ITGAL: variants seen among roughly 807,000 people sequenced by gnomAD.
The protein encoded by ITGAL is integrin subunit alpha L.
A neutral mutation model predicts 138.4 loss-of-function variants in ITGAL; 68 were observed. The observed-to-expected ratio is 0.49, with a 90% CI of 0.40 to 0.60. The LOEUF is 0.60. Ranked by LOEUF, ITGAL falls within the 20% of genes least tolerant of loss-of-function variation. The probability of loss-of-function intolerance (pLI) is 0.00; values close to 1 mark genes in which losing one functional copy is unlikely to be tolerated. For synonymous variants in ITGAL, 561 were observed against 584.3 expected (o/e 0.96, Z 0.57); for missense variants, 1,256 against 1,478.6 (o/e 0.85, Z 2.47).
At chr16:30,484,030 TG>T in intron 8 of ITGAL, 71 bp downstream of exon 8, 1 of 1,594,384 alleles carries the variant, frequency 6.3e-7, no homozygotes. Context: ...CCTTTCTCCC[TG>T]GGGCCAGACT....
chr16:30,517,041 G>A lies in ITGAL; in HGVS notation c.2931G>A (p.Gln977=), dbSNP rs368973537. 171 of 1,613,568 alleles carry A rather than the reference G, an allele frequency of 1.1e-4. 2 individuals carry two copies. The South Asian group carries it at 1.8e-3, about 17-fold the overall frequency. Residue 977 remains glutamine (Q), a synonymous_variant, in exon 26 of 31, where the codon CAG becomes CAA. Transcript: ENST00000356798. ...PTLEAVVGVP[Q]PPSEGPITHQ... is the part of the protein sequence containing the mutation. ...TGGAGGCTGTGGTTGGGGTGCCACA[G>A]CCTCCCAGCGAGGGGCCCATCACAC...
chr16:30,516,974 T>G lies in ITGAL; in HGVS notation c.2864T>G (p.Val955Gly). Reference sequence around the variant, plus strand: ...TGCATCCCTTGTCCTCTGTGCCAGGTGAGGATCCAGCCTTCCATCCACGAC... The same window carrying G: ...TGCATCCCTTGTCCTCTGTGCCAGGGGAGGATCCAGCCTTCCATCCACGAC... ...KIHQVKHMYQ[V>G]RIQPSIHDHN... is the part of the protein sequence containing the mutation. Residue 955 changes from valine to glycine, a missense_variant and splice_region_variant, in exon 26 of 31, where the codon GTG becomes GGG. By Grantham distance (109) the Val-to-Gly change is moderately radical (BLOSUM62 -3). Around this residue, in one of 3 missense-constraint regions of ITGAL, gnomAD observed 867 missense variants for 972.5 expected, o/e 0.89. Coordinates refer to ENST00000356798, the MANE Select transcript of ITGAL (RefSeq NM_002209.3). The G allele has an allele frequency of 6.2e-7, 1 of 1,609,806 alleles. No homozygotes were observed. The highest frequency in any genetic ancestry group is 8.5e-7 in the Non-Finnish European group (1 of 1,176,262).
Position 30,496,109 on chromosome 16 carries a change from G to GT in ITGAL, c.1516_1517insT (p.Glu506ValfsTer57). On this transcript the variant is annotated frameshift_variant, in exon 14 of 31. Coordinates refer to ENST00000356798, the MANE Select transcript of ITGAL (RefSeq NM_002209.3). LOFTEE classifies it high-confidence loss of function. ...TGCTACTTCCTAGTTGGGGTTTGAA[G>GT]AAGTCTCAGAGCTGCAGGGGGACCC... 6.2e-7 allele frequency: 1 copy of GT among 1,613,876 alleles called. No homozygotes were observed. The highest frequency in any genetic ancestry group is 1.3e-5 in the African/African-American group (1 of 75,036).
At chr16:30,491,312 A>G (rs1419064644) in intron 11 of ITGAL, among the ~76,000 whole-genome samples, 1 of 151,756 alleles carries the variant, frequency 6.6e-6, no homozygotes, top group East Asian at 1.9e-4. Flanking sequence ...GAGGTAGGAG[A>G]ATCTCTTGAA....
At position 30,489,292 on chromosome 16, in the gene ITGAL, G is replaced by C; in HGVS notation, c.1119G>C (p.Trp373Cys). The change falls in exon 11 of 31, where the codon TGG (tryptophan) becomes TGC (cysteine). Residue 373 changes from tryptophan (W) to cysteine (C), a missense_variant. Physicochemically the swap from Trp to Cys is radical, Grantham distance 215. Around this residue, in one of 3 missense-constraint regions of ITGAL, gnomAD observed 177 missense variants for 288.8 expected, o/e 0.61. Coordinates refer to ENST00000356798, the MANE Select transcript of ITGAL (RefSeq NM_002209.3). Reference sequence around the variant, plus strand: ...TGGGGGCAGTAGGAGCCAAGGACTGGGCTGGGGGCTTTCTTGACCTGAAGG... The same window carrying C: ...TGGGGGCAGTAGGAGCCAAGGACTGCGCTGGGGGCTTTCTTGACCTGAAGG... ...AVVGAVGAKD[W>C]AGGFLDLKAD... The C allele has an allele frequency of 6.2e-7, 1 of 1,613,836 alleles. No individual in the cohort carries two copies. The highest frequency in any genetic ancestry group is 8.5e-7 in the Non-Finnish European group (1 of 1,179,736).
At chr16:30,505,875 AAAAATAAAAAGCAAAT>A (rs1265346850) in intron 20 of ITGAL, among the ~76,000 whole-genome samples, 1 of 152,200 alleles carries the variant, frequency 6.6e-6, no homozygotes, top group Non-Finnish European at 1.5e-5. Context: ...TCTATCTCTA[AAAAATAAAAAGCAAAT>A]AAAATAAAAA....
chr16:30,496,578 C>G lies in ITGAL; in HGVS notation c.1832+12C>G, dbSNP rs1166538440. 3 of 1,608,066 alleles carry G rather than the reference C, an allele frequency of 1.9e-6. No individual in the cohort carries two copies. Reference sequence around the variant, plus strand: ...ATGATCGTGCTGAGGTGAGATGGGTCTCCCAGGTCACACCTGATGACCCCA... The same window carrying G: ...ATGATCGTGCTGAGGTGAGATGGGTGTCCCAGGTCACACCTGATGACCCCA... On this transcript the variant is annotated intron_variant, in intron 15 of 30. Transcript: ENST00000356798.
intron 30 of ITGAL, among the ~76,000 whole-genome samples, chr16:30,521,045 T>C (rs1337584952): frequency 1.3e-5 from 2 of 150,484 alleles, no homozygotes; most frequent in African/African-American, 2.4e-5. Flanking sequence ...GATGGTGCCA[T>C]TGCACTCCAG....
rs2050775374 is a variant in ITGAL, at chr16:30,494,694, C to T, written c.1366-19C>T. The T allele has an allele frequency of 6.3e-7, 1 of 1,591,100 alleles. No homozygotes were observed. The highest frequency in any genetic ancestry group is 1.3e-5 in the African/African-American group (1 of 74,426). The stretch of plus-strand genomic sequence containing the variant: ...CTGTTCCCACAGGCGCTTCCCCAAA[C>T]ACCTGCCTCTCCCCACAGATTGGCT... On this transcript the variant is annotated intron_variant, in intron 12 of 30. Coordinates refer to ENST00000356798, the MANE Select transcript of ITGAL (RefSeq NM_002209.3). This position sits in a 1 kb window ranked among gnomAD's most constrained non-coding sequence, Gnocchi z 4.2.
At position 30,473,984 on chromosome 16, in the gene ITGAL, G is replaced by C. The variant is rs763986764; in HGVS notation, c.62-212G>C. ...TTGCAGAGAGGCCAAACGGGAAGTT[G>C]TATCCTCAGGCCCTGGGAAGAGCTT... On this transcript the variant is annotated intron_variant, in intron 1 of 30. Coordinates refer to ENST00000356798, the MANE Select transcript of ITGAL (RefSeq NM_002209.3). 1.1e-4 allele frequency: 73 copies of C among 685,950 alleles called. No individual in the cohort carries two copies. The East Asian group carries it at 1.9e-3, about 18-fold the overall frequency. The allele number at this position is 685,950 out of a possible 1,614,324, so 42.5% of individuals were successfully genotyped here. A position where few individuals can be genotyped will look rare whatever the true frequency, so the allele number is the denominator to read the frequency against.
At chr16:30,515,027 G>T (rs183991393) in intron 25 of ITGAL, among the ~76,000 whole-genome samples, 1 of 151,924 alleles carries the variant, frequency 6.6e-6, no homozygotes, top group Non-Finnish European at 1.5e-5. Context: ...GTTTCATCAT[G>T]TTGGCCAGGC....
chr16:30,517,555 C>CCCAGGG (rs2051186033), intron 26 of ITGAL, 94 bp from the exon 27 acceptor site: 11 of 1,044,800 alleles, frequency 1.1e-5, no homozygotes, highest in Middle Eastern at 4.1e-4. Context: ...TCTGAACTCA[C>CCCAGGG]CCAGGGCCAG....
At position 30,514,687 on chromosome 16, in the gene ITGAL, G is replaced by GT. The variant is rs1411234757; in HGVS notation, c.2862+842dup. On this transcript the variant is annotated intron_variant, in intron 25 of 30. Coordinates refer to ENST00000356798, the MANE Select transcript of ITGAL (RefSeq NM_002209.3). Reference sequence around the variant, plus strand: ...GATCTACCCACCTCAGCCTCCCAAAGTACTAGGACTACAGGCATGAGCCAC... The same window carrying GT: ...GATCTACCCACCTCAGCCTCCCAAAGTTACTAGGACTACAGGCATGAGCCAC... Among the ~76,000 whole-genome samples the GT allele has an allele frequency of 5.9e-5, 9 of 152,218 alleles. No individual in the cohort carries two copies. In the East Asian group the frequency reaches 1.7e-3, roughly 29 times the overall value.
intron 4 of ITGAL, among the ~76,000 whole-genome samples, chr16:30,478,271 T>G (rs1597063318): frequency 6.8e-6 from 1 of 146,904 alleles, no homozygotes; most frequent in Non-Finnish European, 1.5e-5. Flanking sequence ...GAAGCAGAGG[T>G]TGCAGTGAGC....
chr16:30,513,904 G>A (rs2051128289), intron 25 of ITGAL, 58 bp downstream of exon 25: 1 of 1,308,770 alleles, frequency 7.6e-7, no homozygotes, highest in African/African-American at 1.5e-5. Flanking sequence ...TTATCCCGGG[G>A]ACTGAGGATG....
In ITGAL at chr16:30,517,730, G is replaced by T. The variant is rs181681259; in HGVS notation, c.3033+25G>T. 1.7e-5 allele frequency: 28 copies of T among 1,613,402 alleles called. No individual in the cohort carries two copies. The East Asian group carries it at 5.6e-4, about 32-fold the overall frequency. On this transcript the variant is annotated intron_variant, in intron 27 of 30. Coordinates refer to ENST00000356798, the MANE Select transcript of ITGAL (RefSeq NM_002209.3). ...GGTATGGGCGTGTGAGCTGAGAGACGGTGGGGCTGGGCGGTACACGGGTCG... is the reference window on the plus strand; with the variant it reads ...GGTATGGGCGTGTGAGCTGAGAGACTGTGGGGCTGGGCGGTACACGGGTCG...
rs2050803996 is a variant in ITGAL at position 30,496,567 on chromosome 16, G to A, written c.1832+1G>A. On this transcript the variant is annotated splice_donor_variant, in intron 15 of 30. Coordinates refer to ENST00000356798, the MANE Select transcript of ITGAL (RefSeq NM_002209.3). LOFTEE classifies it high-confidence loss of function. ...CTGAGAGCCAGATGATCGTGCTGAG[G>A]TGAGATGGGTCTCCCAGGTCACACC... 1 of 1,611,784 alleles carries A rather than the reference G, an allele frequency of 6.2e-7. No homozygotes were observed. Among genetic ancestry groups the A allele is most frequent in the African/African-American group, 1.3e-5 (1 of 74,880 alleles).
intron 9 of ITGAL, among the ~76,000 whole-genome samples, chr16:30,484,711 G>C (rs1277521632): frequency 6.6e-6 from 1 of 152,098 alleles, no homozygotes; most frequent in Non-Finnish European, 1.5e-5. Flanking sequence ...CTGAGGTCAG[G>C]AGTTCGAGAC....
At chr16:30,516,360 C>T (rs2051165817) in intron 25 of ITGAL, among the ~76,000 whole-genome samples, 1 of 151,816 alleles carries the variant, frequency 6.6e-6, no homozygotes, top group South Asian at 2.1e-4. Flanking sequence ...CTCCAGAGTA[C>T]CCAGCACTGT....
Sources: gnomAD v4.1 joint callset for allele counts (sites outside exome capture counted in the v4.1 genomes callset) on GRCh38, gnomAD v4.1.1 for gene constraint, gnomAD v4.1.1 regional missense constraint, Gnocchi (gnomAD v3.1) non-coding constraint, MANE v1.5 for transcripts, NCBI Gene and HGNC (gene_info 2026-07-23, HGNC 2026-07-21) for gene names.